Variants in FGF10 observed in about 807,000 individuals in gnomAD.
FGF10 encodes the protein fibroblast growth factor 10, also known as FGF-10.
FGF10 carries 2 observed loss-of-function variants against 19.8 expected under a neutral mutation model. The observed-to-expected ratio is 0.10, with a 90% CI of 0.04 to 0.32. The LOEUF (loss-of-function observed/expected upper bound fraction) is 0.32, where lower values mean the gene tolerates loss of function less well. FGF10 is among the 10% of genes least tolerant of loss of function. The pLI, the probability that FGF10 is intolerant of heterozygous loss-of-function variation, is 1.00. For synonymous variants in FGF10, 112 were observed against 94.0 expected, an observed-to-expected ratio of 1.19 and a Z score of -1.10; for missense variants, 191 against 246.3, an observed-to-expected ratio of 0.78 and a Z score of 1.50.
intron 1 of FGF10, among the ~76,000 whole-genome samples, chr5:44,327,072 C>A (rs916990419): frequency 2.0e-5 from 3 of 152,184 alleles, no homozygotes; most frequent in Non-Finnish European, 4.4e-5. Flanking sequence ...GCACTCCCCA[C>A]CCACTGCCCC....
At chr5:44,350,995 G>T (rs1741220742) in intron 1 of FGF10, among the ~76,000 whole-genome samples, 1 of 151,252 alleles carries the variant, frequency 6.6e-6, no homozygotes, top group Non-Finnish European at 1.5e-5. Context: ...ACTTAAAGTA[G>T]GTAAATATCT....
At chr5:44,345,855 C>T (rs1174155611) in intron 1 of FGF10, among the ~76,000 whole-genome samples, 1 of 151,736 alleles carries the variant, frequency 6.6e-6, no homozygotes, top group Non-Finnish European at 1.5e-5. Flanking sequence ...CTGTTTTCTT[C>T]TCTTGCTCTA....
At chr5:44,321,640 A>G (rs968123690) in intron 1 of FGF10, among the ~76,000 whole-genome samples, 1 of 152,222 alleles carries the variant, frequency 6.6e-6, no homozygotes, top group South Asian at 2.1e-4. Flanking sequence ...TAGCCAAAAA[A>G]TGTCACTTGA....
At chr5:44,381,771 AC>A (rs1741987523) in intron 1 of FGF10, among the ~76,000 whole-genome samples, 1 of 152,226 alleles carries the variant, frequency 6.6e-6, no homozygotes, top group Non-Finnish European at 1.5e-5. Flanking sequence ...CATTAAAAAT[AC>A]CTTTTTAAAA....
intron 1 of FGF10, among the ~76,000 whole-genome samples, chr5:44,333,093 G>A (rs1740773294): frequency 6.6e-6 from 1 of 151,746 alleles, no homozygotes; most frequent in Non-Finnish European, 1.5e-5. Flanking sequence ...TAATTAAAAA[G>A]AAGTCCTGAC....
At chr5:44,362,922 G>A (rs146841117) in intron 1 of FGF10, among the ~76,000 whole-genome samples, 251 of 151,732 alleles carry the variant, frequency 1.7e-3, no homozygotes, top group African/African-American at 5.5e-3. Flanking sequence ...GTGTTTATGC[G>A]TCTGTCTCTG....
At chr5:44,316,095 T>C (rs1679023828) in intron 1 of FGF10, among the ~76,000 whole-genome samples, 1 of 152,110 alleles carries the variant, frequency 6.6e-6, no homozygotes, top group Admixed American at 6.6e-5. Context: ...AGTGGCAGCA[T>C]TAGATTCTCA....
intron 1 of FGF10, among the ~76,000 whole-genome samples, chr5:44,316,035 C>G (rs1740341097): frequency 6.6e-6 from 1 of 152,164 alleles, no homozygotes; most frequent in African/African-American, 2.4e-5. Flanking sequence ...CTGTATTTAG[C>G]CACTCTCCAT....
At chr5:44,372,647 G>T (rs1741766566) in intron 1 of FGF10, among the ~76,000 whole-genome samples, 1 of 152,160 alleles carries the variant, frequency 6.6e-6, no homozygotes, top group Admixed American at 6.5e-5. Context: ...CTCTGGGTAT[G>T]ATCTATCCTG....
chr5:44,383,554 A>G (rs1742030015), intron 1 of FGF10, among the ~76,000 whole-genome samples: 1 of 152,104 alleles, frequency 6.6e-6, no homozygotes, highest in Non-Finnish European at 1.5e-5. Flanking sequence ...GATTCCTGAC[A>G]ACTGTTTCCT....
intron 1 of FGF10, among the ~76,000 whole-genome samples, chr5:44,317,824 T>C (rs942742783): frequency 6.6e-6 from 1 of 152,154 alleles, no homozygotes; most frequent in African/African-American, 2.4e-5. Context: ...ATTGTAATAA[T>C]GTCATGTTTT....
rs1255285334 is a variant in FGF10 at position 44,311,201 on chromosome 5, G to GA, written c.326-672dup. On this transcript the variant is annotated intron_variant, in intron 1 of 2. Coordinates refer to ENST00000264664, the MANE Select transcript of FGF10 (RefSeq NM_004465.2). ...GTTTTTTTTTTTCCTAGGAAAAATGGAAAATCGAGGGAAGTAGTAAGAGGT... is the reference window on the plus strand; with the variant it reads ...GTTTTTTTTTTTCCTAGGAAAAATGGAAAAATCGAGGGAAGTAGTAAGAGGT... Among the ~76,000 whole-genome samples, 4 of 151,898 alleles carry GA rather than the reference G, an allele frequency of 2.6e-5. No homozygotes were observed. The East Asian group carries it at 7.8e-4, about 29-fold the overall frequency.
intron 1 of FGF10, among the ~76,000 whole-genome samples, chr5:44,331,527 A>C (rs559943690): frequency 6.6e-6 from 1 of 152,314 alleles, no homozygotes; most frequent in African/African-American, 2.4e-5. Flanking sequence ...TTTCTAAAAA[A>C]GCATTGACAT....
At chr5:44,378,863 G>A (rs1466974308) in intron 1 of FGF10, among the ~76,000 whole-genome samples, 1 of 152,154 alleles carries the variant, frequency 6.6e-6, no homozygotes, top group Non-Finnish European at 1.5e-5. Flanking sequence ...TGAAATAAGA[G>A]GAAGCATCGT....
intron 1 of FGF10, among the ~76,000 whole-genome samples, chr5:44,382,492 C>T (rs570767557): frequency 3.3e-5 from 5 of 152,176 alleles, no homozygotes; most frequent in South Asian, 2.1e-4. Context: ...TATTTCCTTT[C>T]GCAAATTTTA....
chr5:44,354,573 A>G (rs1451415660), intron 1 of FGF10, among the ~76,000 whole-genome samples: 11 of 151,438 alleles, frequency 7.3e-5, no homozygotes, highest in Non-Finnish European at 4.4e-5. Context: ...ATCACCGCGC[A>G]GATGTAAGTA....
intron 1 of FGF10, among the ~76,000 whole-genome samples, chr5:44,320,622 C>CA (rs1740463327): frequency 6.6e-6 from 1 of 152,126 alleles, no homozygotes; most frequent in South Asian, 2.1e-4. Context: ...ACTGGCTATC[C>CA]AAAAAAGCCA....
chr5:44,353,506 T>C (rs1301397112), intron 1 of FGF10, among the ~76,000 whole-genome samples: 1 of 151,594 alleles, frequency 6.6e-6, no homozygotes, highest in Non-Finnish European at 1.5e-5. Flanking sequence ...TTTGTGTTTG[T>C]ATTTTTAAAT....
intron 1 of FGF10, among the ~76,000 whole-genome samples, chr5:44,339,400 A>T (rs1740920148): frequency 6.6e-6 from 1 of 152,210 alleles, no homozygotes; most frequent in Admixed American, 6.6e-5. Flanking sequence ...TATTAAAGAC[A>T]TTTAGAGTTG....
Sources: allele counts gnomAD v4.1 joint callset (sites outside exome capture counted in the v4.1 genomes callset), GRCh38; gene constraint gnomAD v4.1.1; transcripts MANE v1.5; gene names NCBI Gene and HGNC (gene_info 2026-07-23, HGNC 2026-07-21).